Variants in DOCK11 observed in about 807,000 individuals in gnomAD.
DOCK11 encodes the protein dedicator of cytokinesis 11.
A neutral mutation model predicts 169.1 loss-of-function variants in DOCK11; 70 were observed. The ratio of observed to expected loss-of-function variants is 0.41; its 90% CI spans 0.34 to 0.51. The LOEUF (loss-of-function observed/expected upper bound fraction) is 0.51. DOCK11 is among the 20% of genes least tolerant of loss of function. The probability of loss-of-function intolerance (pLI) is 0.10; values close to 1 mark genes in which losing one functional copy is unlikely to be tolerated. For synonymous variants in DOCK11, 529 were observed against 541.3 expected (o/e 0.98, Z 0.32); for missense variants, 1,166 against 1,538.8 (o/e 0.76, Z 4.05).
chrX:118,520,981 A>G (rs1430626703), intron 1 of DOCK11, among the ~76,000 whole-genome samples: 3 of 111,408 alleles, frequency 2.7e-5, no homozygotes, highest in Non-Finnish European at 3.8e-5. Context: ...TCCTCTGTCA[A>G]CTTCTGCCCT....
chrX:118,657,858 G>C (rs923636571), intron 44 of DOCK11, among the ~76,000 whole-genome samples: 2 of 109,957 alleles, frequency 1.8e-5, no homozygotes, highest in Non-Finnish European at 3.8e-5. Flanking sequence ...AGGAATTAAA[G>C]ACTACACATT....
In DOCK11 at chrX:118,618,795, T is replaced by A. The variant is rs1416638926; in HGVS notation, c.3471+67T>A. 7.3e-5 allele frequency: 66 copies of A among 910,105 alleles called. No homozygotes were observed. The East Asian group carries it at 2.3e-3, about 32-fold the overall frequency. The allele number at this position is 910,105 out of a possible 1,213,427, so 75.0% of individuals were successfully genotyped here. A position where few individuals can be genotyped will look rare whatever the true frequency, so the allele number is the denominator to read the frequency against. ...TTCTACTATGATTTTTTATAGAAGA[T>A]GAAGTTTTTGTAGCAAGGAGCATTA... On this transcript the variant is annotated intron_variant, in intron 31 of 52. Coordinates refer to ENST00000276202, the MANE Select transcript of DOCK11 (RefSeq NM_144658.4).
At chrX:118,592,350 T>C (rs1446849625) in intron 19 of DOCK11, among the ~76,000 whole-genome samples, 3 of 91,875 alleles carry the variant, frequency 3.3e-5, no homozygotes, top group African/African-American at 1.2e-4. Context: ...TGGTATCTCA[T>C]TGTGGTTTTG....
chrX:118,536,195 G>A (rs111656517), intron 1 of DOCK11, among the ~76,000 whole-genome samples: 2,268 of 110,607 alleles, frequency 0.021, 72 homozygotes, highest in African/African-American at 0.071. Flanking sequence ...CTACTTGGGA[G>A]GCTGAGGTGG....
In DOCK11 at chrX:118,630,432, G is replaced by C; in HGVS notation, c.3828G>C (p.Gln1276His). The C allele has an allele frequency of 8.3e-7, 1 of 1,210,122 alleles. No individual in the cohort carries two copies. The highest frequency in any genetic ancestry group is 1.1e-6 in the Non-Finnish European group (1 of 894,418). Residue 1276 changes from glutamine (Q) to histidine (H), a missense_variant, in exon 35 of 53, where the codon CAG becomes CAC. Gln to His is a conservative substitution (Grantham distance 24). Coordinates refer to ENST00000276202, the MANE Select transcript of DOCK11 (RefSeq NM_144658.4). ...TATCCCAGTATAACCGCCTGGATCA[G>C]TATGAAATCAGAAGCCTCCTGATGT... Reference protein sequence around the residue: ...SSVSQYNRLDQYEIRSLLMCY... With the variant: ...SSVSQYNRLDHYEIRSLLMCY...
chrX:118,543,551 A>T lies in DOCK11; in HGVS notation c.350A>T (p.Tyr117Phe), dbSNP rs1205632001. 4 of 1,208,940 alleles carry T rather than the reference A, an allele frequency of 3.3e-6. No homozygotes were observed. Among genetic ancestry groups the T allele is most frequent in the African/African-American group, 1.7e-5 (1 of 57,400 alleles). The stretch of plus-strand genomic sequence containing the variant: ...AGCACAGATTGGCACGTGGTAAACT[A>T]CAAGTATGAGGACTTCTCTGGGGAC... Reference protein sequence around the residue: ...TYSTDWHVVNYKYEDFSGDFR... With the variant: ...TYSTDWHVVNFKYEDFSGDFR... Residue 117 changes from tyrosine (Y) to phenylalanine (F), a missense_variant, in exon 4 of 53, where the codon TAC (tyrosine) becomes TTC (phenylalanine). Transcript: ENST00000276202.
chrX:118,598,382 G>GA (rs1201697992), intron 22 of DOCK11, among the ~76,000 whole-genome samples: 3 of 102,846 alleles, frequency 2.9e-5, no homozygotes, highest in Admixed American at 1.1e-4. Flanking sequence ...GACAGAGTAA[G>GA]ACCCTGTCTC....
At chrX:118,574,364 G>C (rs369247034) in intron 12 of DOCK11, among the ~76,000 whole-genome samples, 3 of 111,377 alleles carry the variant, frequency 2.7e-5, no homozygotes, top group African/African-American at 9.8e-5. Context: ...TCAAGAGTTC[G>C]AGACCAGCCT....
rs148252671 is a variant in DOCK11, at chrX:118,652,006, A to G, written c.4624A>G (p.Ser1542Gly). ...VSQLIADVAL[S>G]GGSRFQESLF... is the part of the protein sequence containing the mutation. ...CCAACTGATAGCTGATGTAGCACTA[A>G]GCGGAGGATCAAGATTTCAGGAGTC... The change falls in exon 42 of 53, where the codon AGC (serine) becomes GGC (glycine). Residue 1542 changes from serine (S) to glycine (G), a missense_variant. By Grantham distance (56) the Ser-to-Gly change is moderately conservative. Transcript: ENST00000276202. The G allele has an allele frequency of 4.5e-5, 54 of 1,207,405 alleles. No individual in the cohort carries two copies. Among genetic ancestry groups the G allele is most frequent in the Non-Finnish European group, 6.0e-5 (54 of 893,659 alleles).
At chrX:118,497,776 T>C (rs1235399264) in intron 1 of DOCK11, among the ~76,000 whole-genome samples, 1 of 112,561 alleles carries the variant, frequency 8.9e-6, no homozygotes, top group Non-Finnish European at 1.9e-5. Flanking sequence ...GCTGGCCTTC[T>C]ACCACAACAC....
intron 45 of DOCK11, among the ~76,000 whole-genome samples, chrX:118,664,864 T>C (rs1013870956): frequency 1.8e-5 from 2 of 111,008 alleles, no homozygotes; most frequent in African/African-American, 3.3e-5. Context: ...GAAAAGAGAT[T>C]GAAGTTACAG....
Position 118,639,889 on chromosome X carries a change from TTTC to T in DOCK11, c.4144+318_4144+320del, listed in dbSNP as rs763667919. Among the ~76,000 whole-genome samples the T allele has an allele frequency of 3.6e-4, 40 of 112,279 alleles. No individual in the cohort carries two copies. The South Asian group carries it at 5.9e-3, about 17-fold the overall frequency. Reference sequence around the variant, plus strand: ...TTTGAACAATTTTAGGTCATGATGTTTTCTTCTTAGTGTTAAAGAAACTAAATT... The same window carrying T: ...TTTGAACAATTTTAGGTCATGATGTTTTCTTAGTGTTAAAGAAACTAAATT... On this transcript the variant is annotated intron_variant, in intron 38 of 52. Transcript: ENST00000276202.
intron 6 of DOCK11, among the ~76,000 whole-genome samples, chrX:118,552,589 C>G (rs1251645378): frequency 8.9e-6 from 1 of 112,601 alleles, no homozygotes; most frequent in Non-Finnish European, 1.9e-5. Flanking sequence ...TCATTGTTGG[C>G]TGAGAAACTT....
At chrX:118,621,674 C>T (rs2014978502) in intron 31 of DOCK11, among the ~76,000 whole-genome samples, 1 of 110,714 alleles carries the variant, frequency 9.0e-6, no homozygotes, top group African/African-American at 3.3e-5. Flanking sequence ...CGCTGTGTAG[C>T]CCAGACTGGA....
chrX:118,609,526 A>G (rs745377680), intron 27 of DOCK11, among the ~76,000 whole-genome samples, 177 bp downstream of exon 27: 2 of 112,417 alleles, frequency 1.8e-5, no homozygotes, highest in Non-Finnish European at 1.9e-5. Context: ...TGCTTACAAA[A>G]CAATGGATCT....
In DOCK11 at chrX:118,507,740, T is replaced by C. The variant is rs188774992; in HGVS notation, c.102+11667T>C. ...TTATATCTATCTGTGGCCTCATATG[T>C]CTACAGGTCACTACTGAACACATAT... On this transcript the variant is annotated intron_variant, in intron 1 of 52. Coordinates refer to ENST00000276202, the MANE Select transcript of DOCK11 (RefSeq NM_144658.4). Among the ~76,000 whole-genome samples the C allele has an allele frequency of 7.1e-5, 8 of 112,109 alleles. No homozygotes were observed. In the East Asian group the frequency reaches 1.9e-3, roughly 27 times the overall value.
intron 1 of DOCK11, among the ~76,000 whole-genome samples, chrX:118,541,255 G>C (rs762066835): frequency 9.0e-6 from 1 of 111,258 alleles, no homozygotes; most frequent in Non-Finnish European, 1.9e-5. Context: ...TTTTCTTTCC[G>C]CCCCCCGCTC....
chrX:118,542,740 G>C lies in DOCK11; in HGVS notation c.118G>C (p.Val40Leu), dbSNP rs140943491. ...TCTTATAAAGGAAAAGGCCAAAGTT[G>C]TTGAGCCCCTGGACTATGAGAATGT... is the stretch of plus-strand genomic sequence containing the variant. ...GSVVLEKAKV[V>L]EPLDYENVIA... Residue 40 changes from valine (V) to leucine (L), a missense_variant, in exon 2 of 53, where the codon GTT (valine) becomes CTT (leucine). Coordinates refer to ENST00000276202, the MANE Select transcript of DOCK11 (RefSeq NM_144658.4). 7 of 1,208,254 alleles carry C rather than the reference G, an allele frequency of 5.8e-6. No homozygotes were observed. Among genetic ancestry groups the C allele is most frequent in the Non-Finnish European group, 6.7e-6 (6 of 893,348 alleles).
chrX:118,665,587 A>G (rs763002236), intron 45 of DOCK11, among the ~76,000 whole-genome samples: 282 of 112,584 alleles, frequency 2.5e-3, no homozygotes, highest in Non-Finnish European at 4.4e-3. Context: ...AGTTTTCTGT[A>G]TAAACACATT....
Sources: allele counts gnomAD v4.1 joint callset (sites outside exome capture counted in the v4.1 genomes callset), GRCh38; gene constraint gnomAD v4.1.1; transcripts MANE v1.5; gene names NCBI Gene and HGNC (gene_info 2026-07-23, HGNC 2026-07-21).